Variants in NLRP5 observed in about 807,000 individuals in gnomAD.
The protein encoded by NLRP5 is NLR family pyrin domain containing 5.
NLRP5 carries 93 observed loss-of-function variants against 113.1 expected under a neutral mutation model. The observed-to-expected ratio is 0.82, with a 90% CI of 0.70 to 0.98. NLRP5 has a LOEUF of 0.98. Ranked by LOEUF, NLRP5 falls within the 50% of genes least tolerant of loss-of-function variation. NLRP5 has a pLI of 0.00. For synonymous variants in NLRP5, 751 were observed against 600.7 expected (o/e 1.25, Z -3.66); for missense variants, 1,808 against 1,514.3 (o/e 1.19, Z -3.22).
rs748985746 is a variant in NLRP5 at position 56,033,627 on chromosome 19, G to A, written c.2533G>A (p.Gly845Arg). 6.2e-7 allele frequency: 1 copy of A among 1,613,798 alleles called. No homozygotes were observed. Among genetic ancestry groups the A allele is most frequent in the South Asian group, 1.1e-5 (1 of 91,066 alleles). ...CCGTAACCTAAGATCCCTCAACTTG[G>A]GAGGCACCCACCTGAAGGAAGAGGA... is the stretch of plus-strand genomic sequence containing the variant. Residue 845 changes from glycine to arginine, a missense_variant, in exon 9 of 15, where the codon GGA (glycine) becomes AGA (arginine). Physicochemically the swap from Gly to Arg is moderately radical, Grantham distance 125 (BLOSUM62 -2). Coordinates refer to ENST00000390649, the MANE Select transcript of NLRP5 (RefSeq NM_153447.4).
chr19:56,007,489 A>G (rs746781186), intron 2 of NLRP5, among the ~76,000 whole-genome samples: 3 of 151,082 alleles, frequency 2.0e-5, no homozygotes, highest in South Asian at 2.1e-4. Flanking sequence ...TTGCCTGAGC[A>G]TGGTAGAGAA....
intron 3 of NLRP5, among the ~76,000 whole-genome samples, chr19:56,010,755 A>AAAAAAAAAAAAAT (rs78321861): frequency 4.0e-5 from 5 of 125,982 alleles, no homozygotes; most frequent in African/African-American, 9.1e-5. Context: ...AAAAAAAAAA[A>AAAAAAAAAAAAAT]GTCCCTTGAA....
intron 11 of NLRP5, among the ~76,000 whole-genome samples, chr19:56,043,106 C>T (rs894398116): frequency 6.6e-6 from 1 of 152,116 alleles, no homozygotes; most frequent in Non-Finnish European, 1.5e-5. Flanking sequence ...ACTACTTTTT[C>T]TCTGGGTGGA....
intron 9 of NLRP5, among the ~76,000 whole-genome samples, chr19:56,035,987 C>T (rs146295066): frequency 6.2e-4 from 93 of 150,854 alleles, no homozygotes; most frequent in South Asian, 1.3e-3. Flanking sequence ...GATTCAATAA[C>T]GACAGATGCT....
upstream of NLRP5, among the ~76,000 whole-genome samples, chr19:55,999,147 C>T (rs1379756791): frequency 6.6e-6 from 1 of 151,358 alleles, no homozygotes; most frequent in Non-Finnish European, 1.5e-5. Context: ...CTCTCTGCTG[C>T]TATGAATTTA....
chr19:56,017,158 C>T (rs774589713), intron 4 of NLRP5, among the ~76,000 whole-genome samples: 2 of 152,122 alleles, frequency 1.3e-5, no homozygotes, highest in African/African-American at 4.8e-5. Context: ...CTTTCATTCC[C>T]GACTCCAGTA....
At chr19:56,050,615 A>C in intron 12 of NLRP5, 27 bp downstream of exon 12, 1 of 1,604,590 alleles carries the variant, frequency 6.2e-7, no homozygotes, top group Non-Finnish European at 8.5e-7. Context: ...CGTTGGGTCA[A>C]CTCTATCATA....
intron 5 of NLRP5, among the ~76,000 whole-genome samples, chr19:56,019,718 A>G (rs1438310898): frequency 2.0e-5 from 3 of 152,198 alleles, no homozygotes; most frequent in African/African-American, 2.4e-5. Context: ...GCTGTCTTCA[A>G]ACTTAAGTGG....
At chr19:56,022,662 T>TC (rs139660674) in intron 6 of NLRP5, among the ~76,000 whole-genome samples, 2,350 of 152,348 alleles carry the variant, frequency 0.015, 64 homozygotes, top group African/African-American at 0.053. Context: ...AACCTTTTTT[T>TC]CTTGTTATCA....
At chr19:56,018,078 A>G (rs556502088) in intron 4 of NLRP5, among the ~76,000 whole-genome samples, 1 of 152,334 alleles carries the variant, frequency 6.6e-6, no homozygotes, top group East Asian at 1.9e-4. Flanking sequence ...GTATATACAC[A>G]ATGGGTTATT....
intron 2 of NLRP5, among the ~76,000 whole-genome samples, chr19:56,007,371 T>TTTTA (rs58924488): frequency 2.0e-5 from 3 of 150,058 alleles, no homozygotes; most frequent in Non-Finnish European, 3.0e-5. Flanking sequence ...TTTTTTTTTT[T>TTTTA]ATAGAAAGTC....
chr19:56,018,434 A>G (rs916376095), intron 4 of NLRP5, among the ~76,000 whole-genome samples: 3 of 152,082 alleles, frequency 2.0e-5, no homozygotes, highest in African/African-American at 7.2e-5. Context: ...CTGTGTTATT[A>G]CTCTACCAAA....
In NLRP5 at chr19:56,010,742, C is replaced by CCAAAAAAAAAAAAAAAAAAA. The variant is rs1555764914; in HGVS notation, c.508+1889_508+1890insCAAAAAAAAAAAAAAAAAAA. Among the ~76,000 whole-genome samples, 40 of 41,254 alleles carry CCAAAAAAAAAAAAAAAAAAA rather than the reference C, an allele frequency of 9.7e-4. 5 individuals are homozygous for CCAAAAAAAAAAAAAAAAAAA. Among genetic ancestry groups the CCAAAAAAAAAAAAAAAAAAA allele is most frequent in the African/African-American group, 4.0e-3 (38 of 9,584 alleles). 27.1% of individuals were successfully genotyped at this position (41,254 alleles called of 152,430 possible). On this transcript the variant is annotated intron_variant, in intron 3 of 14. Coordinates refer to ENST00000390649, the MANE Select transcript of NLRP5 (RefSeq NM_153447.4). ...GGGAAACAAGAGCTTAACTCTGTCT[C>CCAAAAAAAAAAAAAAAAAAA]AAAAAAAAAAAAAGTCCCTTGAAAC... is the stretch of plus-strand genomic sequence containing the variant.
rs17713875 is a variant in NLRP5, at chr19:56,032,616, G to T, written c.2282G>T (p.Arg761Leu). 0.032 allele frequency: 50,913 copies of T among 1,611,388 alleles called. 964 individuals are homozygous for T. The highest frequency in any genetic ancestry group is 0.035 in the Non-Finnish European group (41,392 of 1,178,452). The change falls in exon 8 of 15, where the codon CGG becomes CTG. Residue 761 changes from arginine to leucine, a missense_variant. Arg to Leu is a moderately radical substitution (Grantham distance 102, BLOSUM62 -2). Transcript: ENST00000390649. ...TTCTATCCCCCCTGACATAGGATGC[G>T]GGATAAGACCCTCATTGAGGAGCAG...
chr19:56,005,312 TATATAC>T (rs1392624539), intron 2 of NLRP5, among the ~76,000 whole-genome samples: 149 of 147,232 alleles, frequency 1.0e-3, no homozygotes, highest in African/African-American at 3.1e-3. Context: ...TATATATTTA[TATATAC>T]ACACATATTT....
intron 1 of NLRP5, among the ~76,000 whole-genome samples, chr19:56,001,048 G>A (rs149442805): frequency 7.2e-4 from 109 of 151,868 alleles, no homozygotes; most frequent in African/African-American, 1.3e-3. Flanking sequence ...TTGGCTGGGC[G>A]CAGTAGCTCA....
At chr19:55,999,323 T>C (rs943423469), upstream of NLRP5, among the ~76,000 whole-genome samples, 2 of 151,354 alleles carry the variant, frequency 1.3e-5, no homozygotes, top group African/African-American at 4.9e-5. Context: ...CAAGTGATTC[T>C]TCTGCCTCAG....
intron 2 of NLRP5, among the ~76,000 whole-genome samples, chr19:56,007,916 T>TGTGTGTGTGCGCGCGCGCGCGCGCGC: frequency 1.4e-4 from 5 of 35,894 alleles, no homozygotes; most frequent in African/African-American, 2.9e-4. Flanking sequence ...TGTGTGTGTG[T>TGTGTGTGTGCGCGCGCGCGCGCGCGC]GTGTGTGTGT....
At chr19:56,039,039 C>A (rs1167663663) in intron 10 of NLRP5, among the ~76,000 whole-genome samples, 1 of 152,166 alleles carries the variant, frequency 6.6e-6, no homozygotes, top group Admixed American at 6.5e-5. Flanking sequence ...TTACAGCAAC[C>A]ACTATTCAAT....
Sources: allele counts gnomAD v4.1 joint callset (sites outside exome capture counted in the v4.1 genomes callset), GRCh38; gene constraint gnomAD v4.1.1; transcripts MANE v1.5; gene names NCBI Gene and HGNC (gene_info 2026-07-23, HGNC 2026-07-21).